Variants in POU6F2 observed in about 807,000 individuals in gnomAD.
POU6F2 encodes POU class 6 homeobox 2, also known as POU domain, class 6, transcription factor 2.
A neutral mutation model predicts 71.3 loss-of-function variants in POU6F2; 31 were observed. The observed-to-expected ratio is 0.43, with a 90% confidence interval of 0.33 to 0.59. The LOEUF (loss-of-function observed/expected upper bound fraction) is 0.59. Ranked by LOEUF, POU6F2 falls within the 20% of genes least tolerant of loss-of-function variation. POU6F2 has a pLI of 0.04. For synonymous variants in POU6F2, 347 were observed against 355.7 expected, an observed-to-expected ratio of 0.98 and a Z score of 0.27; for missense variants, 783 against 856.8, an observed-to-expected ratio of 0.91 and a Z score of 1.07.
chr7:39,352,357 T>C (rs775981824), intron 5 of POU6F2, among the ~76,000 whole-genome samples: 9 of 152,166 alleles, frequency 5.9e-5, no homozygotes, highest in Non-Finnish European at 1.0e-4. Context: ...CATGCAGCAA[T>C]CACAGTGCAT....
At chr7:39,230,117 G>A (rs377655753) in intron 4 of POU6F2, among the ~76,000 whole-genome samples, 26 of 152,328 alleles carry the variant, frequency 1.7e-4, no homozygotes, top group African/African-American at 6.0e-4. Context: ...CATTGCTCCA[G>A]TAACTGGGAA....
chr7:39,234,187 G>T (rs1794630837), intron 4 of POU6F2, among the ~76,000 whole-genome samples: 1 of 152,068 alleles, frequency 6.6e-6, no homozygotes. Flanking sequence ...GAATAAGATG[G>T]TACCCTTGGG....
At chr7:39,042,630 C>G (rs1790213065) in intron 1 of POU6F2, among the ~76,000 whole-genome samples, 1 of 152,012 alleles carries the variant, frequency 6.6e-6, no homozygotes, top group African/African-American at 2.4e-5. Context: ...CTAGCCTATG[C>G]TGACTGTCAC....
At chr7:39,246,981 G>A (rs995075518) in intron 4 of POU6F2, among the ~76,000 whole-genome samples, 23 of 136,780 alleles carry the variant, frequency 1.7e-4, no homozygotes, top group African/African-American at 4.5e-4. Context: ...GCGCGATCTC[G>A]GCTCACTGCA....
Position 39,465,523 on chromosome 7 carries a change from G to C in POU6F2, c.*837G>C, listed in dbSNP as rs916176343. On this transcript the variant is annotated 3_prime_UTR_variant, in exon 10 of 10. Transcript: ENST00000518318. Reference sequence around the variant, plus strand: ...GCTTTTTTCTCACTATGACTTGTGGGTTTGAGAAAAGAAAATGGAGCTCGC... The same window carrying C: ...GCTTTTTTCTCACTATGACTTGTGGCTTTGAGAAAAGAAAATGGAGCTCGC... The C allele has an allele frequency of 2.6e-4, 40 of 152,144 alleles. No individual in the cohort carries two copies. Among genetic ancestry groups the C allele is most frequent in the African/African-American group, 9.7e-4 (40 of 41,426 alleles). The allele number at this position is 152,144 out of a possible 1,614,324, so 9.4% of individuals were successfully genotyped here. A position where few individuals can be genotyped will look rare whatever the true frequency, so the allele number is the denominator to read the frequency against.
At chr7:39,182,864 T>C (rs533277348) in intron 2 of POU6F2, among the ~76,000 whole-genome samples, 3 of 152,314 alleles carry the variant, frequency 2.0e-5, no homozygotes, top group African/African-American at 7.2e-5. Context: ...CAGAGTCCGA[T>C]AGGCACTTTA....
chr7:39,296,014 A>G (rs182629256), intron 4 of POU6F2, among the ~76,000 whole-genome samples: 87 of 152,208 alleles, frequency 5.7e-4, no homozygotes, highest in Non-Finnish European at 1.0e-3. Context: ...GAGTGCATTT[A>G]TCACATAAAT....
intron 2 of POU6F2, among the ~76,000 whole-genome samples, chr7:39,172,884 G>A (rs1793250574): frequency 6.6e-6 from 1 of 152,046 alleles, no homozygotes; most frequent in South Asian, 2.1e-4. Context: ...GCCTCCCAAA[G>A]TGCTGTGCCA....
rs1788476700 is a variant in POU6F2, at chr7:38,986,875, C to CT, written c.105+8819dup. Among the ~76,000 whole-genome samples the CT allele has an allele frequency of 2.0e-5, 3 of 152,220 alleles. No homozygotes were observed. In the South Asian group the frequency reaches 6.2e-4, roughly 32 times the overall value. On this transcript the variant is annotated intron_variant, in intron 1 of 9. Coordinates refer to ENST00000518318, the MANE Select transcript of POU6F2 (RefSeq NM_001370959.1). ...CTATACTATACATAGAGTTCTGCAACTTACTTTTACATATAAAAAATATTT... is the reference window on the plus strand; with the variant it reads ...CTATACTATACATAGAGTTCTGCAACTTTACTTTTACATATAAAAAATATTT...
intron 1 of POU6F2, among the ~76,000 whole-genome samples, chr7:39,057,606 C>A (rs1790559105): frequency 6.6e-6 from 1 of 151,968 alleles, no homozygotes; most frequent in Non-Finnish European, 1.5e-5. Flanking sequence ...TAATATTTTC[C>A]TTTTTTATTT....
intron 4 of POU6F2, among the ~76,000 whole-genome samples, chr7:39,311,620 C>T (rs1011590964): frequency 3.3e-5 from 5 of 152,128 alleles, no homozygotes; most frequent in African/African-American, 1.2e-4. Flanking sequence ...AATGATGTTA[C>T]AGCATTAGAC....
At position 39,464,320 on chromosome 7, in the gene POU6F2, T is replaced by C. The variant is rs1789017822; in HGVS notation, c.1797T>C (p.Ser599=). 6.2e-7 allele frequency: 1 copy of C among 1,613,894 alleles called. No individual in the cohort carries two copies. The highest frequency in any genetic ancestry group is 1.1e-5 in the South Asian group (1 of 91,094). Residue 599 remains serine (S), a synonymous_variant, in exon 10 of 10, where the codon AGT becomes AGC. Transcript: ENST00000518318. This position sits in a 1 kb window ranked among gnomAD's most constrained non-coding sequence, Gnocchi z 4.1. The part of the protein sequence containing the change: ...RFEKLDITPK[S]AQKIKPVLER... ...AAAAGCTGGACATCACCCCTAAAAG[T>C]GCCCAGAAGATCAAGCCGGTGCTTG...
chr7:39,252,407 C>G (rs62453441), intron 4 of POU6F2, among the ~76,000 whole-genome samples: 2,744 of 144,686 alleles, frequency 0.019, 45 homozygotes, highest in African/African-American at 0.055. Context: ...CAGACACACA[C>G]ACACACACAC....
At chr7:38,982,935 A>T (rs1788360091) in intron 1 of POU6F2, among the ~76,000 whole-genome samples, 6 of 152,054 alleles carry the variant, frequency 3.9e-5, no homozygotes, top group African/African-American at 1.4e-4. Context: ...TCAGTGAAGG[A>T]TGTTTCTTCA....
At chr7:39,053,597 G>T (rs955066470) in intron 1 of POU6F2, among the ~76,000 whole-genome samples, 5 of 151,962 alleles carry the variant, frequency 3.3e-5, no homozygotes, top group African/African-American at 4.8e-5. Flanking sequence ...TCATCTGTGT[G>T]TTCACATGCA....
intron 5 of POU6F2, among the ~76,000 whole-genome samples, chr7:39,384,988 T>C (rs908418362): frequency 6.7e-6 from 1 of 148,626 alleles, no homozygotes; most frequent in Non-Finnish European, 1.5e-5. Flanking sequence ...TTAGAAAATG[T>C]TGTTTTTTGT....
At position 39,416,814 on chromosome 7, in the gene POU6F2, T is replaced by TAAAAAA. The variant is rs531942673; in HGVS notation, c.1113+10081_1113+10086dup. On this transcript the variant is annotated intron_variant, in intron 6 of 9. Coordinates refer to ENST00000518318, the MANE Select transcript of POU6F2 (RefSeq NM_001370959.1). Reference sequence around the variant, plus strand: ...CCTAATTTCAAAAATGTTAAAAATGTAAAAAAAAAAAAGAAGTTATCATTG... The same window carrying TAAAAAA: ...CCTAATTTCAAAAATGTTAAAAATGTAAAAAAAAAAAAAAAAAAGAAGTTATCATTG... 5.6e-3 allele frequency among the ~76,000 whole-genome samples: 801 copies of TAAAAAA among 142,482 alleles called. 6 individuals carry two copies. The highest frequency in any genetic ancestry group is 0.016 in the African/African-American group (630 of 38,942). The allele number at this position is 142,482 out of a possible 152,430, so 93.5% of individuals were successfully genotyped here. A position where few individuals can be genotyped will look rare whatever the true frequency, so the allele number is the denominator to read the frequency against.
intron 5 of POU6F2, among the ~76,000 whole-genome samples, chr7:39,388,649 T>C (rs914950006): frequency 6.6e-6 from 1 of 152,208 alleles, no homozygotes; most frequent in Admixed American, 6.5e-5. Context: ...AAGTTGGCTG[T>C]GGAATGATTC....
intron 4 of POU6F2, among the ~76,000 whole-genome samples, chr7:39,298,000 A>T (rs765071873): frequency 2.2e-4 from 34 of 152,208 alleles, no homozygotes; most frequent in Non-Finnish European, 4.7e-4. Flanking sequence ...TACAAAAATT[A>T]TCTCAAGGTG....
Sources: allele counts gnomAD v4.1 joint callset (sites outside exome capture counted in the v4.1 genomes callset), GRCh38; gene constraint gnomAD v4.1.1; non-coding constraint Gnocchi (gnomAD v3.1); transcripts MANE v1.5; gene names NCBI Gene and HGNC (gene_info 2026-07-23, HGNC 2026-07-21).